The following PCDHGA4 variants were observed in gnomAD, a reference collection of about 807,000 sequenced individuals.
PCDHGA4 encodes protocadherin gamma subfamily A, 4, also known as protocadherin gamma-A4.
Under a neutral mutation model 54.6 loss-of-function variants are expected in PCDHGA4, and 38 were observed. That is an observed-to-expected ratio of 0.70 (90% CI 0.54 to 0.91). The LOEUF (loss-of-function observed/expected upper bound fraction) is 0.91, where lower values mean the gene tolerates loss of function less well. PCDHGA4 is among the 40% of genes least tolerant of loss of function. The pLI is 0.00. For missense variants in PCDHGA4, 1,298 were observed against 1,220.9 expected (o/e 1.06, Z -0.94); for synonymous variants, 511 against 512.9 (o/e 1.00, Z 0.05).
chr5:141,381,826 C>CTTCTTT (rs1777532522), intron 1 of PCDHGA4, among the ~76,000 whole-genome samples: 105 of 74,288 alleles, frequency 1.4e-3, no homozygotes, highest in Non-Finnish European at 1.6e-3. Flanking sequence ...CTTTCTTCTT[C>CTTCTTT]TTTTTTTTTT....
chr5:141,393,727 A>C, intron 1 of PCDHGA4: 1 of 1,613,852 alleles, frequency 6.2e-7, no homozygotes, highest in Non-Finnish European at 8.5e-7. Flanking sequence ...TCAATAGCAA[A>C]AAGTCTAGAT....
In PCDHGA4 at chr5:141,477,028, G is replaced by A. The variant is rs1015508317; in HGVS notation, c.2515-17779G>A. On this transcript the variant is annotated intron_variant, in intron 1 of 3. Coordinates refer to ENST00000571252, the MANE Select transcript of PCDHGA4 (RefSeq NM_018917.4). The surrounding 1 kb of genome is among the most constrained non-coding windows in gnomAD (Gnocchi z 4.9). ...CCTTAGACCTTGTAACCGGGATGCT[G>A]ACAATCAAGGGTCGGCTGGACTTCG... The A allele has an allele frequency of 2.5e-6, 4 of 1,614,146 alleles. No homozygotes were observed. The highest frequency in any genetic ancestry group is 1.7e-5 in the Admixed American group (1 of 60,018).
chr5:141,357,417 C>G lies in PCDHGA4; in HGVS notation c.2310C>G (p.His770Gln). 1.2e-6 allele frequency: 2 copies of G among 1,614,254 alleles called. No homozygotes were observed. The highest frequency in any genetic ancestry group is 1.7e-6 in the Non-Finnish European group (2 of 1,180,050). The change falls in exon 1 of 4, where the codon CAC becomes CAG. Residue 770 changes from histidine to glutamine, a missense_variant. Coordinates refer to ENST00000571252, the MANE Select transcript of PCDHGA4 (RefSeq NM_018917.4). ...GGTTGGCAGGTGTGCCTGCCTCGCACTTTGTGGGCGTGGACGGGGTTCGGG... is the reference window on the plus strand; with the variant it reads ...GGTTGGCAGGTGTGCCTGCCTCGCAGTTTGTGGGCGTGGACGGGGTTCGGG... ...GSRLAGVPAS[H>Q]FVGVDGVRAF...
chr5:141,405,599 A>G, intron 1 of PCDHGA4: 2 of 575,638 alleles, frequency 3.5e-6, no homozygotes, highest in South Asian at 4.5e-5. Flanking sequence ...CCTCCCAAGT[A>G]GAATAACTGG....
At position 141,361,737 on chromosome 5, in the gene PCDHGA4, C is replaced by T. The variant is rs10062250; in HGVS notation, c.2514+4116C>T. On this transcript the variant is annotated intron_variant, in intron 1 of 3. Coordinates refer to ENST00000571252, the MANE Select transcript of PCDHGA4 (RefSeq NM_018917.4). Reference sequence around the variant, plus strand: ...GCGCCTTCGAGCTCACACTGCAGGCCCGCGACCAGGGCTCGCCCGCGCTCA... The same window carrying T: ...GCGCCTTCGAGCTCACACTGCAGGCTCGCGACCAGGGCTCGCCCGCGCTCA... 1,285 of 1,613,162 alleles carry T rather than the reference C, an allele frequency of 8.0e-4. 14 individuals are homozygous for T. In the African/African-American group the frequency reaches 0.015, roughly 19 times the overall value.
chr5:141,476,459 C>T lies in PCDHGA4; in HGVS notation c.2515-18348C>T. On this transcript the variant is annotated intron_variant, in intron 1 of 3. Coordinates refer to ENST00000571252, the MANE Select transcript of PCDHGA4 (RefSeq NM_018917.4). The surrounding 1 kb of genome is among the most constrained non-coding windows in gnomAD (Gnocchi z 7.6). ...AACTCTGGAGTTGGTAGTGGAGAACCCGCTGGAGCTGTTCAGCGTGGAAGT... is the reference window on the plus strand; with the variant it reads ...AACTCTGGAGTTGGTAGTGGAGAACTCGCTGGAGCTGTTCAGCGTGGAAGT... 6.2e-7 allele frequency: 1 copy of T among 1,614,048 alleles called. No individual in the cohort carries two copies. Among genetic ancestry groups the T allele is most frequent in the Non-Finnish European group, 8.5e-7 (1 of 1,180,006 alleles).
chr5:141,366,170 C>A lies in PCDHGA4; in HGVS notation c.2514+8549C>A, dbSNP rs757055364. 12 of 1,614,082 alleles carry A rather than the reference C, an allele frequency of 7.4e-6. No individual in the cohort carries two copies. The South Asian group carries it at 1.1e-4, about 15-fold the overall frequency. On this transcript the variant is annotated intron_variant, in intron 1 of 3. Coordinates refer to ENST00000571252, the MANE Select transcript of PCDHGA4 (RefSeq NM_018917.4). ...CTACCGCCTGCTTAAGGCCAGCGAG[C>A]CAGGACTCTTTGCGGTTGGGCTGCA...
At chr5:141,503,332 C>T (rs536647792) in intron 2 of PCDHGA4, among the ~76,000 whole-genome samples, 5 of 152,074 alleles carry the variant, frequency 3.3e-5, no homozygotes, top group Admixed American at 6.5e-5. Context: ...CGCGGTGGCT[C>T]ACGCCTGTAA....
At chr5:141,448,786 A>G (rs1354591718) in intron 1 of PCDHGA4, among the ~76,000 whole-genome samples, 1 of 148,848 alleles carries the variant, frequency 6.7e-6, no homozygotes, top group African/African-American at 2.5e-5. Context: ...TAAAAATACA[A>G]AAAAAAAAAT....
At chr5:141,404,508 C>T (rs2154535422) in intron 1 of PCDHGA4, 2 of 1,613,964 alleles carry the variant, frequency 1.2e-6, no homozygotes, top group Non-Finnish European at 1.7e-6. Flanking sequence ...GCTCTGTGCT[C>T]CTTTGACTAT....
At chr5:141,372,817 T>C (rs933851148) in intron 1 of PCDHGA4, 2 of 1,572,230 alleles carry the variant, frequency 1.3e-6, no homozygotes, top group Non-Finnish European at 1.7e-6. Context: ...AAGGTGAGTT[T>C]CTTCAAACCT....
intron 1 of PCDHGA4, chr5:141,409,896 C>T (rs1181128940): frequency 6.2e-7 from 1 of 1,613,240 alleles, no homozygotes; most frequent in East Asian, 2.2e-5. Flanking sequence ...GTGCTGTACC[C>T]AGCTCTGGGT....
intron 1 of PCDHGA4, chr5:141,398,523 A>T (rs988295276): frequency 6.2e-7 from 1 of 1,613,602 alleles, no homozygotes; most frequent in Non-Finnish European, 8.5e-7. Context: ...ACACGCCAAA[A>T]TTCACGCAAA....
In PCDHGA4 at chr5:141,503,604, A is replaced by G. The variant is rs189211439; in HGVS notation, c.2574-1789A>G. 5.2e-3 allele frequency among the ~76,000 whole-genome samples: 793 copies of G among 151,946 alleles called. 3 individuals carry two copies. The highest frequency in any genetic ancestry group is 8.3e-3 in the Non-Finnish European group (566 of 67,924). On this transcript the variant is annotated intron_variant, in intron 2 of 3. Coordinates refer to ENST00000571252, the MANE Select transcript of PCDHGA4 (RefSeq NM_018917.4). ...ACAGAGCGAGACTCCAGCTCAAAAA[A>G]AAAAAAAAAAGAAAAAAGAAAAGAA...
At position 141,416,146 on chromosome 5, in the gene PCDHGA4, G is replaced by T. The variant is rs114133295; in HGVS notation, c.2514+58525G>T. 4.2e-3 allele frequency: 636 copies of T among 153,236 alleles called. 7 individuals carry two copies. Among genetic ancestry groups the T allele is most frequent in the South Asian group, 0.03 (145 of 4,832 alleles). 9.5% of individuals were successfully genotyped at this position (153,236 alleles called of 1,614,324 possible). Reference sequence around the variant, plus strand: ...TATATTTTTCAATCTATACTTTGTGGTGATAGTTGCAGTTGAATATACTAA... The same window carrying T: ...TATATTTTTCAATCTATACTTTGTGTTGATAGTTGCAGTTGAATATACTAA... On this transcript the variant is annotated intron_variant, in intron 1 of 3. Transcript: ENST00000571252.
At chr5:141,382,930 A>G (rs1292069137) in intron 1 of PCDHGA4, 9 of 1,583,428 alleles carry the variant, frequency 5.7e-6, no homozygotes, top group East Asian at 4.5e-5. Context: ...CGGGGACTAC[A>G]GAGGATTCTT....
chr5:141,441,813 A>T, intron 1 of PCDHGA4: 1 of 365,242 alleles, frequency 2.7e-6, no homozygotes, highest in South Asian at 2.3e-5. Context: ...GCTGTACCCC[A>T]GCTCTGGAGC....
intron 1 of PCDHGA4, chr5:141,393,114 C>T (rs750579370): frequency 1.9e-6 from 3 of 1,613,418 alleles, no homozygotes; most frequent in Non-Finnish European, 8.5e-7. Context: ...TCAGAGCCCG[C>T]GGTGTCTGAT....
chr5:141,486,474 C>G lies in PCDHGA4; in HGVS notation c.2515-8333C>G. ...ACTGCTTCTGATGCTGGGAACCCTC[C>G]TCTCAGTACCCACAGAACTATTTTC... On this transcript the variant is annotated intron_variant, in intron 1 of 3. Transcript: ENST00000571252. The surrounding 1 kb of genome is among the most constrained non-coding windows in gnomAD (Gnocchi z 5.0). The G allele has an allele frequency of 6.2e-7, 1 of 1,614,016 alleles. No individual in the cohort carries two copies. Among genetic ancestry groups the G allele is most frequent in the Non-Finnish European group, 8.5e-7 (1 of 1,179,822 alleles).
Sources: gnomAD v4.1 joint callset for allele counts (sites outside exome capture counted in the v4.1 genomes callset) on GRCh38, gnomAD v4.1.1 for gene constraint, Gnocchi (gnomAD v3.1) non-coding constraint, MANE v1.5 for transcripts, NCBI Gene and HGNC (gene_info 2026-07-23, HGNC 2026-07-21) for gene names.